The following KLHL6 variants were observed in gnomAD, a reference collection of about 807,000 sequenced individuals.
The protein encoded by KLHL6 is kelch like family member 6, also known as kelch-like protein 6.
In KLHL6, 41 loss-of-function variants were observed where a neutral mutation model predicts 58.6. The observed-to-expected ratio is 0.70, with a 90% CI of 0.55 to 0.91. KLHL6 has a LOEUF of 0.91. Among genes scored for constraint, KLHL6 ranks in the 40% least tolerant of loss-of-function variants. The pLI is 0.00. For missense variants in KLHL6, 714 were observed against 805.6 expected, an observed-to-expected ratio of 0.89 and a Z score of 1.38; for synonymous variants, 338 against 322.7, an observed-to-expected ratio of 1.05 and a Z score of -0.51.
Position 183,535,126 on chromosome 3 carries a change from G to A in KLHL6, c.294-7116C>T, listed in dbSNP as rs181573558. ...CGCCTGGCTAATTTTTGTATTTTTA[G>A]TAGAGACGGGGTTTTACTATGTTGG... On this transcript the variant is annotated intron_variant, in intron 1 of 6. Transcript: ENST00000341319. Among the ~76,000 whole-genome samples the A allele has an allele frequency of 3.1e-3, 475 of 152,020 alleles. 8 individuals are homozygous for A. Among genetic ancestry groups the A allele is most frequent in the African/African-American group, 0.011 (436 of 41,472 alleles).
At chr3:183,511,992 C>T (rs1460699906) in intron 2 of KLHL6, among the ~76,000 whole-genome samples, 2 of 152,184 alleles carry the variant, frequency 1.3e-5, no homozygotes, top group South Asian at 4.1e-4. Context: ...TCTCAACTGC[C>T]GGCAGCTCTG....
chr3:183,543,626 G>A, intron 1 of KLHL6, among the ~76,000 whole-genome samples: 1 of 151,616 alleles, frequency 6.6e-6, no homozygotes, highest in Admixed American at 6.5e-5. Flanking sequence ...GTTATCCACT[G>A]GGCCTCCACC....
At chr3:183,540,361 T>C (rs59029212) in intron 1 of KLHL6, among the ~76,000 whole-genome samples, 12,481 of 152,164 alleles carry the variant, frequency 0.082, 711 homozygotes, top group African/African-American at 0.16. Context: ...CATGGTAACA[T>C]TACTTTGGGC....
In KLHL6 at chr3:183,519,000, T is replaced by C. The variant is rs569175676; in HGVS notation, c.459+8845A>G. Among the ~76,000 whole-genome samples, 11 of 152,160 alleles carry C rather than the reference T, an allele frequency of 7.2e-5. No homozygotes were observed. The South Asian group carries it at 2.1e-3, about 29-fold the overall frequency. On this transcript the variant is annotated intron_variant, in intron 2 of 6. Coordinates refer to ENST00000341319, the MANE Select transcript of KLHL6 (RefSeq NM_130446.4). ...TGAGGGGGATGCTAAACGTCCCTTA[T>C]AGGTTGTGAATCTGAGAACAAAAGA...
chr3:183,496,673 A>C (rs952385903), intron 4 of KLHL6, among the ~76,000 whole-genome samples: 9 of 152,268 alleles, frequency 5.9e-5, no homozygotes, highest in Admixed American at 5.9e-4. Flanking sequence ...TGTGCTTTGC[A>C]TGTAATAACT....
chr3:183,492,023 G>A lies in KLHL6; in HGVS notation c.1770C>T (p.Cys590=), dbSNP rs2108661972. 1.2e-6 allele frequency: 2 copies of A among 1,613,558 alleles called. No individual in the cohort carries two copies. Among genetic ancestry groups the A allele is most frequent in the Non-Finnish European group, 1.7e-6 (2 of 1,179,670 alleles). ...GGTGCGACACGCCCCGGGGCAGGAC[G>A]CACTCCTCTGTCAGTTTCTGGGCCT... ...DPEAQKLTEE[C]VLPRGVSHHG... The change falls in exon 7 of 7, where the codon TGC becomes TGT. Residue 590 remains cysteine, a synonymous_variant. Transcript: ENST00000341319. The surrounding 1 kb of genome is among the most constrained non-coding windows in gnomAD (Gnocchi z 5.9).
intron 1 of KLHL6, among the ~76,000 whole-genome samples, chr3:183,541,545 A>T (rs1712552973): frequency 6.6e-6 from 1 of 152,196 alleles, no homozygotes; most frequent in Non-Finnish European, 1.5e-5. Context: ...ACTTATTTAC[A>T]TTCAGAGGAA....
In KLHL6 at chr3:183,499,314, C is replaced by T. The variant is rs948724076; in HGVS notation, c.1147+276G>A. ...CTAGCCAAGATTGCGCCACTGCACTCCAGCCTGAGCAACAGAGCGAGACGC... is the reference window on the plus strand; with the variant it reads ...CTAGCCAAGATTGCGCCACTGCACTTCAGCCTGAGCAACAGAGCGAGACGC... On this transcript the variant is annotated intron_variant, in intron 4 of 6. Coordinates refer to ENST00000341319, the MANE Select transcript of KLHL6 (RefSeq NM_130446.4). This position sits in a 1 kb window ranked among gnomAD's most constrained non-coding sequence, Gnocchi z 4.6. Among the ~76,000 whole-genome samples, 60 of 151,806 alleles carry T rather than the reference C, an allele frequency of 4.0e-4. 1 individual carries two copies. Among genetic ancestry groups the T allele is most frequent in the Admixed American group, 2.0e-4 (3 of 15,220 alleles).
rs147922716 is a variant in KLHL6, at chr3:183,508,219, C to T, written c.749G>A (p.Arg250Gln). The change falls in exon 3 of 7, where the codon CGA (arginine) becomes CAA (glutamine). Residue 250 changes from arginine (R) to glutamine (Q), a missense_variant. Transcript: ENST00000341319. ...GAGGACATAGGGGAGTAAGCAGAGT[C>T]GTTCTGATGGCTTGTGCCGGACCCA... ...MSWVRHKPSE[R>Q]LCLLPYVLEN... is the part of the protein sequence containing the mutation. 24 of 1,614,036 alleles carry T rather than the reference C, an allele frequency of 1.5e-5. No homozygotes were observed. The African/African-American group carries it at 2.4e-4, about 16-fold the overall frequency.
Position 183,499,850 on chromosome 3 carries a change from G to A in KLHL6, c.910-23C>T, listed in dbSNP as rs749928085. ...GATCTGGAAATCGATGGGGGTACAT[G>A]AAGGCAGGGACAACACAAAGTTTCA... On this transcript the variant is annotated intron_variant, in intron 3 of 6. Coordinates refer to ENST00000341319, the MANE Select transcript of KLHL6 (RefSeq NM_130446.4). The surrounding 1 kb of genome is among the most constrained non-coding windows in gnomAD (Gnocchi z 4.6). 11 of 1,536,800 alleles carry A rather than the reference G, an allele frequency of 7.2e-6. No individual in the cohort carries two copies. The South Asian group carries it at 1.4e-4, about 19-fold the overall frequency.
chr3:183,513,827 C>G (rs1044243243), intron 2 of KLHL6, among the ~76,000 whole-genome samples: 9 of 152,080 alleles, frequency 5.9e-5, no homozygotes, highest in African/African-American at 2.2e-4. Flanking sequence ...AGGTTTTAAG[C>G]CCTGCATGCA....
intron 3 of KLHL6, among the ~76,000 whole-genome samples, chr3:183,500,077 G>C (rs567547767): frequency 6.6e-6 from 1 of 152,300 alleles, no homozygotes; most frequent in Admixed American, 6.5e-5. Flanking sequence ...GTGCATAACA[G>C]GTACTCAATA....
chr3:183,526,305 C>A (rs1711965669), intron 2 of KLHL6, among the ~76,000 whole-genome samples: 1 of 152,146 alleles, frequency 6.6e-6, no homozygotes. Flanking sequence ...GAGTGAAACT[C>A]CATCTCAAAT....
intron 2 of KLHL6, among the ~76,000 whole-genome samples, chr3:183,515,482 A>G (rs1234214762): frequency 3.3e-5 from 5 of 152,174 alleles, no homozygotes; most frequent in African/African-American, 1.2e-4. Context: ...TGGGAGTTCA[A>G]GTTTGCAGTG....
chr3:183,522,705 T>G (rs1210319672), intron 2 of KLHL6: 3 of 152,262 alleles, frequency 2.0e-5, no homozygotes, highest in Non-Finnish European at 4.4e-5. Context: ...ATTTCCTCCT[T>G]TCTTGGCCCA....
intron 2 of KLHL6, among the ~76,000 whole-genome samples, chr3:183,527,578 C>T (rs1280980813): frequency 6.6e-6 from 1 of 152,178 alleles, no homozygotes; most frequent in Non-Finnish European, 1.5e-5. Context: ...AGGTTCTAGG[C>T]ACAAAGCTCC....
At chr3:183,507,389 C>T (rs1380089577) in intron 3 of KLHL6, among the ~76,000 whole-genome samples, 1 of 152,098 alleles carries the variant, frequency 6.6e-6, no homozygotes, top group Admixed American at 6.5e-5. Context: ...GGAATAGTGA[C>T]TAGACAGGGC....
In KLHL6 at chr3:183,499,826, A is replaced by G; in HGVS notation, c.911T>C (p.Ile304Thr). 6.4e-7 allele frequency: 1 copy of G among 1,568,880 alleles called. No homozygotes were observed. The highest frequency in any genetic ancestry group is 1.2e-5 in the South Asian group (1 of 84,542). ...CCTGGGCTTGGTGCGTTCCGAAATG[A>G]TCTGGAAATCGATGGGGGTACATGA... ...ARMYHLSGNE[I>T]ISERTKPRMH... Residue 304 changes from isoleucine (I) to threonine (T), a missense_variant and splice_region_variant, in exon 4 of 7, where the codon ATC becomes ACC. Ile to Thr is a moderately conservative substitution (Grantham distance 89, BLOSUM62 -1). Around this residue, in one of 2 missense-constraint regions of KLHL6, gnomAD observed 510 missense variants for 629.7 expected, o/e 0.81. Coordinates refer to ENST00000341319, the MANE Select transcript of KLHL6 (RefSeq NM_130446.4). The surrounding 1 kb of genome is among the most constrained non-coding windows in gnomAD (Gnocchi z 4.6).
chr3:183,527,536 A>G (rs1712016090), intron 2 of KLHL6, among the ~76,000 whole-genome samples: 1 of 152,152 alleles, frequency 6.6e-6, no homozygotes, highest in African/African-American at 2.4e-5. Context: ...TGCAAGTTGT[A>G]CTTATTGTTC....
Sources: gnomAD v4.1 joint callset for allele counts (sites outside exome capture counted in the v4.1 genomes callset) on GRCh38, gnomAD v4.1.1 for gene constraint, gnomAD v4.1.1 regional missense constraint, Gnocchi (gnomAD v3.1) non-coding constraint, MANE v1.5 for transcripts, NCBI Gene and HGNC (gene_info 2026-07-23, HGNC 2026-07-21) for gene names.